CELF2: variants seen among roughly 807,000 people sequenced by gnomAD.
CELF2 encodes the protein CUGBP Elav-like family member 2, also known as CUG triplet repeat RNA-binding protein 2.
Under a neutral mutation model 62.6 loss-of-function variants are expected in CELF2, and 8 were observed. That is an observed-to-expected ratio of 0.13 (90% CI 0.07 to 0.23). The LOEUF (loss-of-function observed/expected upper bound fraction) is 0.23. CELF2 is among the 10% of genes least tolerant of loss of function. The probability of loss-of-function intolerance (pLI) is 1.00; values close to 1 mark genes in which losing one functional copy is unlikely to be tolerated. For missense variants in CELF2, 333 were observed against 671.0 expected, an observed-to-expected ratio of 0.50 and a Z score of 5.56; for synonymous variants, 258 against 250.0, an observed-to-expected ratio of 1.03 and a Z score of -0.30.
At chr10:11,173,103 T>A (rs958112330) in intron 2 of CELF2, among the ~76,000 whole-genome samples, 6 of 152,168 alleles carry the variant, frequency 3.9e-5, no homozygotes, top group Non-Finnish European at 5.9e-5. Context: ...CTCACTTGCC[T>A]TTTTATTTGC....
the CELF2 span, among the ~76,000 whole-genome samples, chr10:10,712,147 C>CAAAAAAAAAAAAAA: frequency 9.2e-5 from 4 of 43,424 alleles, 1 homozygote; most frequent in African/African-American, 2.9e-4. Context: ...AGGATAGAGA[C>CAAAAAAAAAAAAAA]AAAAAAAAAA....
At chr10:11,092,119 G>A (rs891773500) in intron 1 of CELF2, among the ~76,000 whole-genome samples, 1 of 152,128 alleles carries the variant, frequency 6.6e-6, no homozygotes, top group Non-Finnish European at 1.5e-5. Context: ...CTGAGAGAAT[G>A]AAATAATCCC....
intron 2 of CELF2, among the ~76,000 whole-genome samples, chr10:10,921,458 G>A (rs1481065028): frequency 1.3e-5 from 2 of 150,022 alleles, no homozygotes; most frequent in Non-Finnish European, 3.0e-5. Flanking sequence ...TAGTAGAGAT[G>A]GGGTTTCACC....
the CELF2 span, among the ~76,000 whole-genome samples, chr10:10,541,378 A>G: frequency 6.6e-6 from 1 of 152,288 alleles, no homozygotes. Flanking sequence ...GAAAGAATTC[A>G]AGGCAAATCC....
At chr10:11,289,610 T>C (rs1223086228) in intron 9 of CELF2, among the ~76,000 whole-genome samples, 2 of 152,222 alleles carry the variant, frequency 1.3e-5, no homozygotes, top group African/African-American at 4.8e-5. Flanking sequence ...GAGAAGCTGG[T>C]GGATTTCCCT....
chr10:10,745,456 C>T, the CELF2 span, among the ~76,000 whole-genome samples: 16 of 152,256 alleles, frequency 1.1e-4, no homozygotes, highest in African/African-American at 2.6e-4. Flanking sequence ...TCTCTTCTTC[C>T]GCACCCCCTG....
chr10:10,667,029 A>C, the CELF2 span, among the ~76,000 whole-genome samples: 1 of 152,160 alleles, frequency 6.6e-6, no homozygotes, highest in African/African-American at 2.4e-5. Flanking sequence ...AAAATAAGTC[A>C]GTTGGGAATC....
intron 1 of CELF2, among the ~76,000 whole-genome samples, chr10:11,080,655 A>T (rs1018069086): frequency 2.0e-5 from 3 of 152,222 alleles, no homozygotes; most frequent in Non-Finnish European, 4.4e-5. Flanking sequence ...CATGACAGTG[A>T]TTTGGATATT....
the CELF2 span, among the ~76,000 whole-genome samples, chr10:10,773,304 C>A: frequency 1.3e-5 from 2 of 152,140 alleles, no homozygotes; most frequent in Non-Finnish European, 2.9e-5. Context: ...GATATAGGCA[C>A]AAACAAAAAG....
intron 9 of CELF2, among the ~76,000 whole-genome samples, chr10:11,307,928 A>C (rs981070949): frequency 6.6e-6 from 1 of 152,146 alleles, no homozygotes; most frequent in Non-Finnish European, 1.5e-5. Flanking sequence ...TTACAGTGCA[A>C]AAAGGTGGGG....
intron 3 of CELF2, among the ~76,000 whole-genome samples, chr10:11,233,210 G>A (rs2069534793): frequency 6.6e-6 from 1 of 152,176 alleles, no homozygotes. Flanking sequence ...GAAGAGGCTG[G>A]ATTGGAGCAG....
chr10:11,205,953 C>T (rs967410160), intron 2 of CELF2, among the ~76,000 whole-genome samples: 3 of 152,204 alleles, frequency 2.0e-5, no homozygotes, highest in South Asian at 2.1e-4. Flanking sequence ...AAAGGGTTTG[C>T]CTCTCCATTT....
chr10:11,016,569 A>C (rs982744815), upstream of CELF2, among the ~76,000 whole-genome samples: 4 of 152,240 alleles, frequency 2.6e-5, no homozygotes, highest in Admixed American at 2.6e-4. The surrounding 1 kb of genome is among the most constrained non-coding windows in gnomAD (Gnocchi z 5.2). Context: ...AAAGATAGTT[A>C]GCTGTCATCA....
chr10:11,020,334 TTGTG>T (rs1385235196), intron 1 of CELF2, among the ~76,000 whole-genome samples: 1 of 152,358 alleles, frequency 6.6e-6, no homozygotes, highest in Non-Finnish European at 1.5e-5. Context: ...TAAATAGCTA[TTGTG>T]TGTCTCCATA....
rs2057887505 is a variant in CELF2 at position 11,197,025 on chromosome 10, A to AAAAGAAAGAAAGAAAAGAAAGAAAG, written c.272-20385_272-20384insAGAAAGAAAGAAAGAAAGAAAGAAA. ...AGGAGAAAGAAAGAAAGAAAGAAAG[A>AAAAGAAAGAAAGAAAAGAAAGAAAG]AAAGAAAGAAAGAAAGAAAGAAAGA... is the stretch of plus-strand genomic sequence containing the variant. On this transcript the variant is annotated intron_variant, in intron 2 of 12. Coordinates refer to ENST00000633077, the MANE Select transcript of CELF2 (RefSeq NM_001326342.2). Among the ~76,000 whole-genome samples the AAAAGAAAGAAAGAAAAGAAAGAAAG allele has an allele frequency of 1.9e-4, 5 of 26,132 alleles. 1 individual carries two copies. The highest frequency in any genetic ancestry group is 1.2e-3 in the Admixed American group (4 of 3,218). The allele number at this position is 26,132 out of a possible 152,430, so 17.1% of individuals were successfully genotyped here.
chr10:10,761,905 CGTGTGTGTGTGTGTGTGTGTGTGTGTGT>C, the CELF2 span, among the ~76,000 whole-genome samples: 1 of 128,878 alleles, frequency 7.8e-6, no homozygotes, highest in Non-Finnish European at 1.6e-5. Context: ...TATAATAAAC[CGTGTGTGTGTGTGTGTGTGTGTGTGTGT>C]GTGTGTGTGT....
chr10:11,122,162 G>A (rs1000029875), intron 1 of CELF2, among the ~76,000 whole-genome samples: 1 of 152,262 alleles, frequency 6.6e-6, no homozygotes, highest in African/African-American at 2.4e-5. Context: ...AGCACTATTC[G>A]TTATTTGGAA....
At chr10:11,284,886 G>A (rs61657914) in intron 8 of CELF2, among the ~76,000 whole-genome samples, 53,621 of 149,744 alleles carry the variant, frequency 0.36, 10,560 homozygotes, top group East Asian at 0.64. Flanking sequence ...TTGGGTAGAT[G>A]TGTGGGTGGA....
At chr10:11,099,884 C>CAAAAA (rs869282674) in intron 1 of CELF2, among the ~76,000 whole-genome samples, 1 of 93,526 alleles carries the variant, frequency 1.1e-5, no homozygotes, top group African/African-American at 5.2e-5. Flanking sequence ...ACAACAACAA[C>CAAAAA]AAAAAAAAAA....
Sources: allele counts gnomAD v4.1 joint callset (sites outside exome capture counted in the v4.1 genomes callset), GRCh38; gene constraint gnomAD v4.1.1; non-coding constraint Gnocchi (gnomAD v3.1); transcripts MANE v1.5; gene names NCBI Gene and HGNC (gene_info 2026-07-23, HGNC 2026-07-21).